FGF10: variants seen among roughly 807,000 people sequenced by gnomAD.
The protein encoded by FGF10 is FGF-10.
FGF10 carries 2 observed loss-of-function variants against 19.8 expected under a neutral mutation model. That is an observed-to-expected ratio of 0.10 (90% CI 0.04 to 0.32). The LOEUF is 0.32. FGF10 is among the 10% of genes least tolerant of loss of function. FGF10 has a pLI of 1.00. For missense variants in FGF10, 191 were observed against 246.3 expected, an observed-to-expected ratio of 0.78 and a Z score of 1.50; for synonymous variants, 112 against 94.0, an observed-to-expected ratio of 1.19 and a Z score of -1.10.
chr5:44,385,694 C>A (rs1458893359), intron 1 of FGF10, among the ~76,000 whole-genome samples: 1 of 152,168 alleles, frequency 6.6e-6, no homozygotes, highest in Non-Finnish European at 1.5e-5. Context: ...TAGTATTTAA[C>A]AAGCTACCAT....
At chr5:44,327,678 T>C (rs951692128) in intron 1 of FGF10, among the ~76,000 whole-genome samples, 3 of 152,178 alleles carry the variant, frequency 2.0e-5, no homozygotes, top group African/African-American at 7.2e-5. Flanking sequence ...TCTTTCTTCC[T>C]CTAGACAACA....
chr5:44,371,696 C>T (rs1316166345), intron 1 of FGF10, among the ~76,000 whole-genome samples: 1 of 152,046 alleles, frequency 6.6e-6, no homozygotes, highest in Non-Finnish European at 1.5e-5. Context: ...GTATTGTAAG[C>T]AAATAAACTA....
intron 2 of FGF10, among the ~76,000 whole-genome samples, 161 bp from the exon 3 acceptor site, chr5:44,305,353 T>A (rs1740051955): frequency 6.6e-6 from 1 of 152,150 alleles, no homozygotes. Flanking sequence ...GAAAAGTAAA[T>A]CTCAGAACCA....
intron 1 of FGF10, among the ~76,000 whole-genome samples, chr5:44,363,263 T>C (rs956368314): frequency 6.6e-6 from 1 of 151,874 alleles, no homozygotes; most frequent in Non-Finnish European, 1.5e-5. Flanking sequence ...TGAAAACTTG[T>C]ATTAAAGCCA....
intron 1 of FGF10, among the ~76,000 whole-genome samples, chr5:44,323,394 A>C (rs1740541702): frequency 6.6e-6 from 1 of 152,194 alleles, no homozygotes; most frequent in South Asian, 2.1e-4. Flanking sequence ...GTAATTAAAC[A>C]AATATTAGAA....
At chr5:44,316,952 T>C (rs1450606749) in intron 1 of FGF10, among the ~76,000 whole-genome samples, 7 of 152,178 alleles carry the variant, frequency 4.6e-5, no homozygotes, top group Admixed American at 4.6e-4. Context: ...CACCAAGAAT[T>C]AAAGGACTAT....
chr5:44,334,918 C>G (rs1322172352), intron 1 of FGF10, among the ~76,000 whole-genome samples: 1 of 152,112 alleles, frequency 6.6e-6, no homozygotes, highest in Non-Finnish European at 1.5e-5. Context: ...CCCTGTATCA[C>G]AGAAGAACTT....
chr5:44,338,520 C>T (rs1355551161), intron 1 of FGF10, among the ~76,000 whole-genome samples: 2 of 152,152 alleles, frequency 1.3e-5, no homozygotes, highest in Non-Finnish European at 2.9e-5. Context: ...GGCACAGATA[C>T]TATTCAGGTT....
chr5:44,329,935 C>T (rs959591307), intron 1 of FGF10, among the ~76,000 whole-genome samples: 1 of 152,160 alleles, frequency 6.6e-6, no homozygotes, highest in Non-Finnish European at 1.5e-5. Flanking sequence ...GCCTTAGTGT[C>T]CTCAGGGTAT....
intron 1 of FGF10, among the ~76,000 whole-genome samples, chr5:44,345,648 A>C (rs1403356358): frequency 1.3e-5 from 2 of 151,586 alleles, no homozygotes; most frequent in African/African-American, 4.8e-5. Flanking sequence ...AAAAAAAAAA[A>C]AAATCGAACT....
intron 1 of FGF10, among the ~76,000 whole-genome samples, chr5:44,343,630 T>C (rs1422420289): frequency 6.6e-6 from 1 of 151,990 alleles, no homozygotes; most frequent in East Asian, 1.9e-4. Context: ...ATTACTAATA[T>C]GTCCTTAACA....
intron 2 of FGF10, 90 bp from the exon 3 acceptor site, chr5:44,305,282 ATTCT>A: frequency 8.2e-7 from 1 of 1,213,352 alleles, no homozygotes; most frequent in Non-Finnish European, 1.2e-6. Flanking sequence ...CAGTCCAAGG[ATTCT>A]GTTTGTAGTT....
Position 44,335,819 on chromosome 5 carries a change from T to C in FGF10, c.326-25289A>G, listed in dbSNP as rs190723635. 3.3e-3 allele frequency among the ~76,000 whole-genome samples: 504 copies of C among 152,196 alleles called. 1 individual carries two copies. Among genetic ancestry groups the C allele is most frequent in the Admixed American group, 5.0e-3 (77 of 15,272 alleles). ...TAGAATATGCTACTTTACCTAGGCA[T>C]ACCCATTTTAGTAACTCATATAAAC... On this transcript the variant is annotated intron_variant, in intron 1 of 2. Transcript: ENST00000264664.
intron 1 of FGF10, among the ~76,000 whole-genome samples, chr5:44,331,868 T>C (rs907103234): frequency 1.7e-4 from 26 of 152,146 alleles, no homozygotes; most frequent in Non-Finnish European, 3.1e-4. Context: ...AATATTGTGG[T>C]TACTCAATAC....
chr5:44,376,995 A>T (rs1377155461), intron 1 of FGF10, among the ~76,000 whole-genome samples: 4 of 152,184 alleles, frequency 2.6e-5, no homozygotes. Flanking sequence ...TCCCTCTCAC[A>T]TGATACCACC....
intron 1 of FGF10, among the ~76,000 whole-genome samples, chr5:44,337,216 G>C (rs558826067): frequency 1.3e-5 from 2 of 151,824 alleles, no homozygotes; most frequent in Admixed American, 6.6e-5. Flanking sequence ...CTCTGATACT[G>C]AAATATTAAG....
At chr5:44,383,759 C>T (rs1164182977) in intron 1 of FGF10, among the ~76,000 whole-genome samples, 3 of 152,124 alleles carry the variant, frequency 2.0e-5, no homozygotes, top group South Asian at 2.1e-4. Flanking sequence ...CCTCAATGCT[C>T]GTGATTAAAT....
chr5:44,355,039 G>A (rs933187901), intron 1 of FGF10, among the ~76,000 whole-genome samples: 3 of 151,380 alleles, frequency 2.0e-5, no homozygotes, highest in Admixed American at 1.3e-4. Context: ...TATTCTCTTC[G>A]CATGTACCTA....
intron 2 of FGF10, among the ~76,000 whole-genome samples, chr5:44,308,615 G>A (rs1740137891): frequency 6.6e-6 from 1 of 151,956 alleles, no homozygotes. Context: ...TTTTTATAAT[G>A]GTCTGTTATT....
Sources: gnomAD v4.1 joint callset for allele counts (sites outside exome capture counted in the v4.1 genomes callset) on GRCh38, gnomAD v4.1.1 for gene constraint, MANE v1.5 for transcripts, NCBI Gene and HGNC (gene_info 2026-07-23, HGNC 2026-07-21) for gene names.